The following ACYP2 variants were observed in gnomAD, a reference collection of about 807,000 sequenced individuals.
ACYP2 encodes acylphosphatase 2.
A neutral mutation model predicts 11.2 loss-of-function variants in ACYP2; 12 were observed. That is an observed-to-expected ratio of 1.08 (90% confidence interval 0.69 to 1.74). The LOEUF is 1.74. Ranked by LOEUF, ACYP2 falls within the 40% of genes most tolerant of loss-of-function variation. The pLI is 0.00. For synonymous variants in ACYP2, 43 were observed against 32.2 expected, an observed-to-expected ratio of 1.33 and a Z score of -1.13; for missense variants, 134 against 101.9, an observed-to-expected ratio of 1.31 and a Z score of -1.35.
At position 54,171,755 on chromosome 2, in the gene ACYP2, C is replaced by T. The variant is rs568957333; in HGVS notation, c.404+33007C>T. Among the ~76,000 whole-genome samples the T allele has an allele frequency of 2.0e-5, 3 of 151,986 alleles. No individual in the cohort carries two copies. In the East Asian group the frequency reaches 5.8e-4, roughly 29 times the overall value. On this transcript the variant is annotated intron_variant, in intron 6 of 6. Transcript: ENST00000607452. The stretch of plus-strand genomic sequence containing the variant: ...AATCTAAGCTTCTTTGGAAGTTGTA[C>T]TTGTCAGTTCTATTTTTCGGTGTCT...
At chr2:54,276,070 G>C (rs572462924) in intron 6 of ACYP2, among the ~76,000 whole-genome samples, 1 of 152,040 alleles carries the variant, frequency 6.6e-6, no homozygotes, top group Non-Finnish European at 1.5e-5. Flanking sequence ...CCTTTAAAGA[G>C]ATTACAATTA....
rs550283720 is a variant in ACYP2, at chr2:53,983,937, C to G, written c.62+10127C>G. 5.3e-5 allele frequency among the ~76,000 whole-genome samples: 8 copies of G among 152,216 alleles called. 1 individual carries two copies. Among genetic ancestry groups the G allele is most frequent in the Admixed American group, 5.2e-4 (8 of 15,272 alleles). ...GCAAGAAAAGAGACAAGAAGGTAAA[C>G]TGAGGCCAGATTACAAGCAGTCATG... On this transcript the variant is annotated intron_variant, in intron 2 of 6. Transcript: ENST00000607452.
chr2:54,147,438 C>A (rs1219852629), intron 6 of ACYP2, among the ~76,000 whole-genome samples: 1 of 152,112 alleles, frequency 6.6e-6, no homozygotes, highest in Non-Finnish European at 1.5e-5. Context: ...TGGGGGTAAG[C>A]TGACTTGCTT....
At chr2:54,210,720 G>A (rs1205546629) in intron 6 of ACYP2, among the ~76,000 whole-genome samples, 3 of 125,374 alleles carry the variant, frequency 2.4e-5, no homozygotes, top group Non-Finnish European at 5.0e-5. Flanking sequence ...TGGAAATTAG[G>A]CTCATTAAGT....
intron 6 of ACYP2, among the ~76,000 whole-genome samples, chr2:54,159,294 G>A (rs1682597749): frequency 6.6e-6 from 1 of 151,858 alleles, no homozygotes; most frequent in Admixed American, 6.6e-5. Flanking sequence ...CTGGGTGGTG[G>A]TGGAACTCAG....
chr2:54,278,834 AAAT>A (rs1252228822), intron 6 of ACYP2, among the ~76,000 whole-genome samples: 4 of 152,218 alleles, frequency 2.6e-5, no homozygotes, highest in Admixed American at 6.5e-5. Context: ...GAAAGGAACT[AAAT>A]AATGTCAGTA....
At chr2:54,079,320 C>A (rs147472411) in intron 4 of ACYP2, among the ~76,000 whole-genome samples, 1 of 152,334 alleles carries the variant, frequency 6.6e-6, no homozygotes, top group Non-Finnish European at 1.5e-5. Context: ...GTAATTCCAT[C>A]CACCTTGCTA....
intron 4 of ACYP2, among the ~76,000 whole-genome samples, chr2:54,070,929 T>C (rs1558507643): frequency 6.6e-6 from 1 of 151,206 alleles, no homozygotes; most frequent in Non-Finnish European, 1.5e-5. Context: ...TTTGTTTGTT[T>C]TTTTCAGAGA....
chr2:54,013,738 AAAAAAG>A (rs1269054362), intron 2 of ACYP2, among the ~76,000 whole-genome samples: 1 of 144,852 alleles, frequency 6.9e-6, no homozygotes. Flanking sequence ...AGAAAAAAAA[AAAAAAG>A]AGAGAGAGAG....
intron 6 of ACYP2, among the ~76,000 whole-genome samples, chr2:54,168,236 C>G (rs1302887537): frequency 6.6e-6 from 1 of 151,906 alleles, no homozygotes; most frequent in East Asian, 1.9e-4. Context: ...ACCAGCCTGG[C>G]CAACATGGTG....
chr2:54,162,153 G>T (rs1682744764), intron 6 of ACYP2, among the ~76,000 whole-genome samples: 1 of 152,036 alleles, frequency 6.6e-6, no homozygotes, highest in Non-Finnish European at 1.5e-5. Flanking sequence ...TTAACGAATG[G>T]GATAAGTTTC....
At chr2:54,002,534 C>T (rs887346603) in intron 2 of ACYP2, among the ~76,000 whole-genome samples, 35 of 151,466 alleles carry the variant, frequency 2.3e-4, no homozygotes, top group African/African-American at 7.5e-4. Context: ...TTAGTAGAGA[C>T]GAGGGACAGG....
intron 5 of ACYP2, 67 bp from the exon 3 acceptor site, chr2:54,138,572 A>T (rs999051147): frequency 1.6e-6 from 2 of 1,270,064 alleles, no homozygotes; most frequent in African/African-American, 3.0e-5. Flanking sequence ...GGATATTAGA[A>T]TCAAGTATGT....
intron 6 of ACYP2, among the ~76,000 whole-genome samples, chr2:54,175,604 G>C (rs1683426189): frequency 6.6e-6 from 1 of 152,008 alleles, no homozygotes. Flanking sequence ...TGCTTCTCTA[G>C]TTCTTTTAAT....
intron 2 of ACYP2, among the ~76,000 whole-genome samples, chr2:54,035,009 C>CTAAA (rs1674803450): frequency 2.2e-5 from 1 of 44,748 alleles, no homozygotes; most frequent in African/African-American, 6.0e-5. Context: ...GACTACATCT[C>CTAAA]AAAAAAAAAA....
At chr2:54,131,459 A>T (rs1341656039) in intron 4 of ACYP2, among the ~76,000 whole-genome samples, 3 of 152,192 alleles carry the variant, frequency 2.0e-5, no homozygotes, top group Admixed American at 2.0e-4. Flanking sequence ...CAGCTCCAGT[A>T]TTTCTACTAG....
intron 6 of ACYP2, among the ~76,000 whole-genome samples, chr2:54,144,442 G>A (rs900580081): frequency 2.6e-5 from 4 of 152,284 alleles, no homozygotes; most frequent in African/African-American, 9.6e-5. Context: ...CTGGGAGGCT[G>A]AGGTGGGCAG....
At chr2:54,036,887 G>A (rs1030255140) in intron 2 of ACYP2, among the ~76,000 whole-genome samples, 9 of 152,196 alleles carry the variant, frequency 5.9e-5, no homozygotes, top group African/African-American at 1.2e-4. Flanking sequence ...TACCTCCTGC[G>A]TGGCCCCTGC....
chr2:54,223,761 T>A (rs1441413787), intron 6 of ACYP2, among the ~76,000 whole-genome samples: 1 of 152,220 alleles, frequency 6.6e-6, no homozygotes, highest in Admixed American at 6.5e-5. Context: ...TTTAATTAGT[T>A]CATCTTTAAT....
Sources: allele counts gnomAD v4.1 joint callset (sites outside exome capture counted in the v4.1 genomes callset), GRCh38; gene constraint gnomAD v4.1.1; transcripts MANE v1.5; gene names NCBI Gene and HGNC (gene_info 2026-07-23, HGNC 2026-07-21).